DDX42: variants seen among roughly 807,000 people sequenced by gnomAD.
DDX42 encodes the protein ATP-dependent RNA helicase DDX42.
Under a neutral mutation model 101.5 loss-of-function variants are expected in DDX42, and 22 were observed. The ratio of observed to expected loss-of-function variants is 0.22; its 90% CI spans 0.15 to 0.31. The LOEUF is 0.31. Ranked by LOEUF, DDX42 falls within the 10% of genes least tolerant of loss-of-function variation. The probability of loss-of-function intolerance (pLI) is 1.00; values close to 1 mark genes in which losing one functional copy is unlikely to be tolerated. For synonymous variants in DDX42, 402 were observed against 401.2 expected (o/e 1.00, Z -0.02); for missense variants, 849 against 1,199.9 (o/e 0.71, Z 4.32).
At chr17:63,801,253 C>T (rs1190852966) in intron 6 of DDX42, among the ~76,000 whole-genome samples, 1 of 152,078 alleles carries the variant, frequency 6.6e-6, no homozygotes, top group Non-Finnish European at 1.5e-5. Flanking sequence ...TGGGGTTTTG[C>T]CATGTTGGCC....
At chr17:63,801,004 CCT>C (rs1395362367) in intron 6 of DDX42, among the ~76,000 whole-genome samples, 1 of 100,728 alleles carries the variant, frequency 9.9e-6, no homozygotes, top group South Asian at 3.1e-4. Context: ...TCCTTTTTTT[CCT>C]CTCTTTCTTC....
At position 63,812,162 on chromosome 17, in the gene DDX42, C is replaced by G; in HGVS notation, c.1629C>G (p.Asp543Glu). 6.2e-7 allele frequency: 1 copy of G among 1,614,056 alleles called. No individual in the cohort carries two copies. The highest frequency in any genetic ancestry group is 2.2e-5 in the East Asian group (1 of 44,892). ...DQSERNKVIS[D>E]FKKKDIPVLV... is the part of the protein sequence containing the mutation. ...GTGAGAGAAACAAGGTCATTTCAGA[C>G]TTTAAGAAAAAGGACATCCCAGTCC... The change falls in exon 14 of 18, where the codon GAC (aspartate) becomes GAG (glutamate). Residue 543 changes from aspartate to glutamate, a missense_variant. By Grantham distance (45) the Asp-to-Glu change is conservative. Transcript: ENST00000389924.
chr17:63,777,145 G>A (rs2039430726), intron 1 of DDX42, among the ~76,000 whole-genome samples: 1 of 152,184 alleles, frequency 6.6e-6, no homozygotes, highest in Non-Finnish European at 1.5e-5. Flanking sequence ...GTGGCCTTAA[G>A]TGATCCTCCC....
intron 6 of DDX42, among the ~76,000 whole-genome samples, chr17:63,802,591 A>C (rs2144567871): frequency 6.6e-6 from 1 of 152,270 alleles, no homozygotes; most frequent in Non-Finnish European, 1.5e-5. Flanking sequence ...AACTTGGTGA[A>C]ACTCCATCTA....
chr17:63,811,336 C>A, intron 13 of DDX42, 163 bp downstream of exon 13: 1 of 488,896 alleles, frequency 2.0e-6, no homozygotes, highest in East Asian at 3.3e-5. Context: ...ATAGACGTAA[C>A]AAGACTGGCA....
intron 2 of DDX42, among the ~76,000 whole-genome samples, chr17:63,791,044 T>G (rs2039622228): frequency 6.6e-6 from 1 of 152,258 alleles, no homozygotes; most frequent in African/African-American, 2.4e-5. Flanking sequence ...GCATAACAGT[T>G]AAAGCTTTTA....
chr17:63,789,931 A>G (rs1000096647), intron 2 of DDX42, among the ~76,000 whole-genome samples: 10 of 152,328 alleles, frequency 6.6e-5, no homozygotes, highest in Admixed American at 2.6e-4. Context: ...TTTAGGAGTC[A>G]AATATACAAG....
At chr17:63,804,216 A>C (rs979561908) in intron 6 of DDX42, among the ~76,000 whole-genome samples, 14 of 151,992 alleles carry the variant, frequency 9.2e-5, no homozygotes, top group Non-Finnish European at 1.8e-4. Context: ...AGGCTGAGGC[A>C]GGAGAATCAC....
At chr17:63,792,708 ATATATC>A in intron 3 of DDX42, 146 bp downstream of exon 3, 1 of 794,260 alleles carries the variant, frequency 1.3e-6, no homozygotes, top group East Asian at 2.9e-5. Context: ...CTATAGTTGC[ATATATC>A]TACTTCCACT....
intron 15 of DDX42, among the ~76,000 whole-genome samples, chr17:63,813,685 G>T (rs190999556): frequency 2.1e-3 from 316 of 152,266 alleles, no homozygotes; most frequent in African/African-American, 7.2e-3. Flanking sequence ...GCTAAAATCT[G>T]TCGCTGTAAT....
intron 4 of DDX42, among the ~76,000 whole-genome samples, chr17:63,799,216 A>C (rs1035252094): frequency 6.6e-5 from 10 of 152,184 alleles, no homozygotes; most frequent in Admixed American, 3.9e-4. Context: ...TATGCCAAAT[A>C]CAAGATTTTT....
rs573978864 is a variant in DDX42 at position 63,794,851 on chromosome 17, G to A, written c.372+2289G>A. 6.6e-5 allele frequency among the ~76,000 whole-genome samples: 10 copies of A among 151,104 alleles called. No individual in the cohort carries two copies. In the South Asian group the frequency reaches 1.7e-3, roughly 25 times the overall value. ...CTCGGGAGGCTGAGGCAGGAGAATC[G>A]CTTGAACCTGGGAGGCAGAGGTTAT... On this transcript the variant is annotated intron_variant, in intron 3 of 17. Transcript: ENST00000389924.
At chr17:63,805,042 A>G in intron 6 of DDX42, 29 bp from the exon 7 acceptor site, 1 of 1,584,034 alleles carries the variant, frequency 6.3e-7, no homozygotes, top group East Asian at 2.3e-5. Flanking sequence ...CTTGAATTCT[A>G]GACTAACTTT....
chr17:63,785,154 A>C (rs965896063), intron 1 of DDX42, among the ~76,000 whole-genome samples: 1 of 152,126 alleles, frequency 6.6e-6, no homozygotes, highest in Non-Finnish European at 1.5e-5. Context: ...TGTAAAACTT[A>C]GGTAAGTTGT....
chr17:63,797,903 A>G, intron 3 of DDX42, 135 bp from the exon 4 acceptor site: 1 of 742,866 alleles, frequency 1.3e-6, no homozygotes, highest in East Asian at 2.8e-5. Context: ...TAATTGTCAA[A>G]ATGCAATTTG....
intron 3 of DDX42, 142 bp downstream of exon 3, chr17:63,792,704 T>G (rs1049183503): frequency 2.4e-6 from 2 of 832,498 alleles, no homozygotes; most frequent in Non-Finnish European, 3.5e-6. Flanking sequence ...TAGTCTATAG[T>G]TGCATATATC....
At chr17:63,783,651 T>TA (rs2039514079) in intron 1 of DDX42, among the ~76,000 whole-genome samples, 1 of 152,182 alleles carries the variant, frequency 6.6e-6, no homozygotes, top group Non-Finnish European at 1.5e-5. Flanking sequence ...AATTAGTACT[T>TA]ACTAAATACA....
intron 1 of DDX42, among the ~76,000 whole-genome samples, chr17:63,777,887 G>C (rs968372426): frequency 2.6e-5 from 4 of 152,152 alleles, no homozygotes; most frequent in Non-Finnish European, 5.9e-5. Context: ...CCAGTTAGAG[G>C]GAAGAGGATT....
chr17:63,794,012 C>T (rs1433909370), intron 3 of DDX42, among the ~76,000 whole-genome samples: 1 of 152,086 alleles, frequency 6.6e-6, no homozygotes, highest in East Asian at 1.9e-4. Context: ...GAAGGTCTAG[C>T]TGTTTCCCAT....
Sources: gnomAD v4.1 joint callset for allele counts (sites outside exome capture counted in the v4.1 genomes callset) on GRCh38, gnomAD v4.1.1 for gene constraint, MANE v1.5 for transcripts, NCBI Gene and HGNC (gene_info 2026-07-23, HGNC 2026-07-21) for gene names.